SLC16A10: variants seen among roughly 807,000 people sequenced by gnomAD.
SLC16A10 encodes solute carrier family 16 member 10, also known as monocarboxylate transporter 10.
SLC16A10 carries 27 observed loss-of-function variants against 40.0 expected under a neutral mutation model. That is an observed-to-expected ratio of 0.67 (90% CI 0.50 to 0.93). The LOEUF is 0.93. Among genes scored for constraint, SLC16A10 ranks in the 40% least tolerant of loss-of-function variants. The pLI is 0.00. For missense variants in SLC16A10, 529 were observed against 658.2 expected (o/e 0.80, Z 2.15); for synonymous variants, 213 against 249.8 (o/e 0.85, Z 1.39).
chr6:111,217,501 G>C (rs12664951), intron 4 of SLC16A10, among the ~76,000 whole-genome samples: 1 of 152,190 alleles, frequency 6.6e-6, no homozygotes, highest in African/African-American at 2.4e-5. Flanking sequence ...CCAGGCTGGA[G>C]TGCAGTGGCA....
chr6:111,100,545 T>A (rs1771156230), intron 1 of SLC16A10, among the ~76,000 whole-genome samples: 1 of 152,016 alleles, frequency 6.6e-6, no homozygotes, highest in African/African-American at 2.4e-5. Context: ...TGCACCTCCA[T>A]CCCCAGCTAA....
chr6:111,094,634 T>A (rs911268596), intron 1 of SLC16A10, among the ~76,000 whole-genome samples: 9 of 152,148 alleles, frequency 5.9e-5, no homozygotes, highest in Non-Finnish European at 7.3e-5. Flanking sequence ...CATGCCTTCA[T>A]TTACTTTTTA....
At chr6:111,216,227 G>A (rs529888457) in intron 4 of SLC16A10, among the ~76,000 whole-genome samples, 2 of 152,170 alleles carry the variant, frequency 1.3e-5, no homozygotes, top group Non-Finnish European at 2.9e-5. Flanking sequence ...CTGCCAGGCT[G>A]TAGGCCCAAC....
intron 1 of SLC16A10, among the ~76,000 whole-genome samples, chr6:111,159,971 G>T (rs1011532318): frequency 2.0e-5 from 3 of 151,990 alleles, no homozygotes; most frequent in African/African-American, 4.8e-5. Flanking sequence ...TTAAAATTGA[G>T]TTGCTTGGTT....
chr6:111,214,367 C>T (rs1336374523), intron 4 of SLC16A10, among the ~76,000 whole-genome samples: 1 of 152,170 alleles, frequency 6.6e-6, no homozygotes, highest in Non-Finnish European at 1.5e-5. Context: ...GTTTATTCAT[C>T]TTTCACACTG....
intron 1 of SLC16A10, among the ~76,000 whole-genome samples, chr6:111,164,225 A>G (rs910896008): frequency 7.9e-5 from 12 of 152,208 alleles, no homozygotes; most frequent in Non-Finnish European, 1.0e-4. Context: ...ATGCCTTCTT[A>G]TAATCCTTTA....
intron 1 of SLC16A10, among the ~76,000 whole-genome samples, chr6:111,098,285 A>C (rs1257737457): frequency 1.3e-5 from 2 of 152,154 alleles, no homozygotes; most frequent in Admixed American, 1.3e-4. Context: ...CAGCCTGGGC[A>C]ACAAGAGTGA....
At chr6:111,132,475 T>C (rs1443934724) in intron 1 of SLC16A10, among the ~76,000 whole-genome samples, 1 of 152,158 alleles carries the variant, frequency 6.6e-6, no homozygotes, top group African/African-American at 2.4e-5. Context: ...CGTAACCCAG[T>C]AACACGTGGA....
chr6:111,183,595 A>G (rs1772843051), intron 3 of SLC16A10, among the ~76,000 whole-genome samples: 1 of 152,162 alleles, frequency 6.6e-6, no homozygotes, highest in African/African-American at 2.4e-5. Context: ...TGCTATAATG[A>G]TTTTTCACAT....
At position 111,131,835 on chromosome 6, in the gene SLC16A10, C is replaced by T. The variant is rs556172792; in HGVS notation, c.344-40860C>T. On this transcript the variant is annotated intron_variant, in intron 1 of 5. Transcript: ENST00000368851. ...CAGCCAGAAGTCTCTACTCAACAGT[C>T]AGCCATGCGTGCACCCCTACCTTTC... Among the ~76,000 whole-genome samples, 3 of 152,356 alleles carry T rather than the reference C, an allele frequency of 2.0e-5. No individual in the cohort carries two copies. In the South Asian group the frequency reaches 6.2e-4, roughly 32 times the overall value.
chr6:111,153,644 C>A (rs1772215575), intron 1 of SLC16A10, among the ~76,000 whole-genome samples: 1 of 152,268 alleles, frequency 6.6e-6, no homozygotes, highest in Admixed American at 6.5e-5. Flanking sequence ...GGGTATGAAT[C>A]TAGAAGTTTC....
At chr6:111,096,160 A>G (rs62421905) in intron 1 of SLC16A10, among the ~76,000 whole-genome samples, 4,163 of 152,304 alleles carry the variant, frequency 0.027, 86 homozygotes, top group Non-Finnish European at 0.046. Flanking sequence ...CCCCAGCCTG[A>G]AACTATTTAC....
intron 5 of SLC16A10, among the ~76,000 whole-genome samples, chr6:111,221,101 G>T (rs1321708869): frequency 6.6e-6 from 1 of 152,156 alleles, no homozygotes; most frequent in Admixed American, 6.5e-5. Flanking sequence ...TAGATATTTA[G>T]TACAGTATAT....
In SLC16A10 at chr6:111,225,320, T is replaced by C. The variant is rs354549; in HGVS notation, c.*3085T>C. The C allele has an allele frequency of 0.79, 120,768 of 152,096 alleles. 48,603 individuals are homozygous for C. Among genetic ancestry groups the C allele is most frequent in the South Asian group, 0.87 (4,193 of 4,818 alleles). The allele number at this position is 152,096 out of a possible 1,614,324, so 9.4% of individuals were successfully genotyped here. A position where few individuals can be genotyped will look rare whatever the true frequency, so the allele number is the denominator to read the frequency against. On this transcript the variant is annotated 3_prime_UTR_variant, in exon 6 of 6. Coordinates refer to ENST00000368851, the MANE Select transcript of SLC16A10 (RefSeq NM_018593.5). ...TTGTAATCCCAGCACTTTGGGAGGC[T>C]GAGGCAGGCGGATTGCCTGAGCTCA...
chr6:111,146,908 G>A (rs1188204230), intron 1 of SLC16A10, among the ~76,000 whole-genome samples: 2 of 152,108 alleles, frequency 1.3e-5, no homozygotes, highest in Non-Finnish European at 2.9e-5. Flanking sequence ...ATCCAATATG[G>A]ATGGACCTTG....
rs1179575621 is a variant in SLC16A10, at chr6:111,171,382, A to G, written c.344-1313A>G. ...AGAAATATGGCTTACTGATTGGGCC[A>G]TGGCTTACGCCTGCAATCCCAGCAT... On this transcript the variant is annotated intron_variant, in intron 1 of 5. Transcript: ENST00000368851. Among the ~76,000 whole-genome samples, 4 of 152,128 alleles carry G rather than the reference A, an allele frequency of 2.6e-5. No homozygotes were observed. In the South Asian group the frequency reaches 6.2e-4, roughly 24 times the overall value.
intron 3 of SLC16A10, among the ~76,000 whole-genome samples, chr6:111,193,883 T>G (rs942586041): frequency 1.3e-5 from 2 of 152,334 alleles, no homozygotes; most frequent in East Asian, 3.9e-4. Flanking sequence ...ATAGTCTATG[T>G]AAGTATGGGA....
At position 111,223,562 on chromosome 6, in the gene SLC16A10, AC is replaced by A. The variant is rs1402487795; in HGVS notation, c.*1329del. 1 of 152,164 alleles carries A rather than the reference AC, an allele frequency of 6.6e-6. No individual in the cohort carries two copies. The highest frequency in any genetic ancestry group is 2.4e-5 in the African/African-American group (1 of 41,442). 9.4% of individuals were successfully genotyped at this position (152,164 alleles called of 1,614,324 possible). A position where few individuals can be genotyped will look rare whatever the true frequency, so the allele number is the denominator to read the frequency against. ...CTTACTTTGTCATACATGCAGTTGC[AC>A]CTTACCACTTCTAATAGTGTCATAT... On this transcript the variant is annotated 3_prime_UTR_variant, in exon 6 of 6. Coordinates refer to ENST00000368851, the MANE Select transcript of SLC16A10 (RefSeq NM_018593.5).
At chr6:111,151,823 A>G (rs1434471867) in intron 1 of SLC16A10, among the ~76,000 whole-genome samples, 1 of 152,148 alleles carries the variant, frequency 6.6e-6, no homozygotes, top group African/African-American at 2.4e-5. Context: ...TGCCTGATGA[A>G]CGCCTATTCA....
Sources: allele counts gnomAD v4.1 joint callset (sites outside exome capture counted in the v4.1 genomes callset), GRCh38; gene constraint gnomAD v4.1.1; transcripts MANE v1.5; gene names NCBI Gene and HGNC (gene_info 2026-07-23, HGNC 2026-07-21).